Variants in RND3 observed in about 807,000 individuals in gnomAD.
RND3 encodes Rho family GTPase 3, also known as rho-related GTP-binding protein RhoE.
Under a neutral mutation model 26.5 loss-of-function variants are expected in RND3, and 8 were observed. The ratio of observed to expected loss-of-function variants is 0.30; its 90% CI spans 0.18 to 0.54. RND3 has a LOEUF of 0.54. Among genes scored for constraint, RND3 ranks in the 20% least tolerant of loss-of-function variants. The pLI is 0.94. For missense variants in RND3, 207 were observed against 302.8 expected, an observed-to-expected ratio of 0.68 and a Z score of 2.35; for synonymous variants, 113 against 113.0, an observed-to-expected ratio of 1.00 and a Z score of 0.00.
At chr2:150,473,742 G>GAC in intron 4 of RND3, among the ~76,000 whole-genome samples, 1 of 152,036 alleles carries the variant, frequency 6.6e-6, no homozygotes. Flanking sequence ...ATTTCACAAT[G>GAC]ACACACAAGC....
chr2:150,487,474 A>AAATATATAT lies in RND3; in HGVS notation c.-38-20_-38-19insATATATATT. 800 of 200,746 alleles carry AAATATATAT rather than the reference A, an allele frequency of 4.0e-3. 7 individuals are homozygous for AAATATATAT. Among genetic ancestry groups the AAATATATAT allele is most frequent in the African/African-American group, 0.017 (608 of 36,616 alleles). The allele number at this position is 200,746 out of a possible 1,614,324, so 12.4% of individuals were successfully genotyped here. A position where few individuals can be genotyped will look rare whatever the true frequency, so the allele number is the denominator to read the frequency against. ...ATTTTCTCTTAAGAAGAAAAAAAAA[A>AAATATATAT]ATATATATATATATATATATTTCTC... is the stretch of plus-strand genomic sequence containing the variant. On this transcript the variant is annotated intron_variant, in intron 1 of 5. Transcript: ENST00000263895.
At chr2:150,471,558 A>C in intron 5 of RND3, 69 bp downstream of exon 5, 1 of 1,304,240 alleles carries the variant, frequency 7.7e-7, no homozygotes, top group Non-Finnish European at 1.1e-6. Context: ...TATTTTATTT[A>C]TTATGAGTGA....
At chr2:150,475,868 G>A (rs1275795195) in intron 3 of RND3, among the ~76,000 whole-genome samples, 2 of 152,224 alleles carry the variant, frequency 1.3e-5, no homozygotes, top group East Asian at 3.9e-4. Flanking sequence ...TACCCTAAAG[G>A]TTCAAGGCAC....
Position 150,486,611 on chromosome 2 carries a change from G to T in RND3, c.238+83C>A, listed in dbSNP as rs1242540903. ...TTGGGAGGGGCGCAGACGGCTTGTAGCGCGCGGTTTCCCGAGACCCGCCGC... is the reference window on the plus strand; with the variant it reads ...TTGGGAGGGGCGCAGACGGCTTGTATCGCGCGGTTTCCCGAGACCCGCCGC... On this transcript the variant is annotated intron_variant, in intron 3 of 5. Transcript: ENST00000263895. The surrounding 1 kb of genome is among the most constrained non-coding windows in gnomAD (Gnocchi z 4.5). 1.0e-6 allele frequency: 1 copy of T among 962,796 alleles called. No individual in the cohort carries two copies. The highest frequency in any genetic ancestry group is 1.6e-5 in the African/African-American group (1 of 62,548). The allele number at this position is 962,796 out of a possible 1,614,324, so 59.6% of individuals were successfully genotyped here.
intron 3 of RND3, among the ~76,000 whole-genome samples, chr2:150,484,934 T>C (rs1686332860): frequency 2.0e-5 from 3 of 152,288 alleles, no homozygotes; most frequent in South Asian, 4.1e-4. Flanking sequence ...TACTGGTGCT[T>C]ATTATCGGTA....
intron 5 of RND3, 43 bp from the exon 6 acceptor site, chr2:150,470,281 G>C: frequency 6.3e-7 from 1 of 1,589,226 alleles, no homozygotes. Flanking sequence ...ATAAGACTTT[G>C]GGGGAAAGTT....
chr2:150,469,299 C>A lies in RND3; in HGVS notation c.*688G>T, dbSNP rs1437874121. The A allele has an allele frequency of 6.6e-6, 1 of 152,522 alleles. No homozygotes were observed. The highest frequency in any genetic ancestry group is 1.5e-5 in the Non-Finnish European group (1 of 68,028). The allele number at this position is 152,522 out of a possible 1,614,324, so 9.4% of individuals were successfully genotyped here. A position where few individuals can be genotyped will look rare whatever the true frequency, so the allele number is the denominator to read the frequency against. On this transcript the variant is annotated 3_prime_UTR_variant, in exon 6 of 6. Coordinates refer to ENST00000263895, the MANE Select transcript of RND3 (RefSeq NM_005168.5). ...AACCATCAGACTGAATAAAAATCGA[C>A]ATTTTTTTTCCTATTTGATCTATGC...
At chr2:150,478,137 A>G (rs1221584984) in intron 3 of RND3, among the ~76,000 whole-genome samples, 1 of 152,128 alleles carries the variant, frequency 6.6e-6, no homozygotes, top group Non-Finnish European at 1.5e-5. Context: ...AGAATTATCA[A>G]GAACTGTCCC....
Position 150,486,958 on chromosome 2 carries a change from C to G in RND3, c.151-177G>C. On this transcript the variant is annotated intron_variant, in intron 2 of 5. Coordinates refer to ENST00000263895, the MANE Select transcript of RND3 (RefSeq NM_005168.5). This position sits in a 1 kb window ranked among gnomAD's most constrained non-coding sequence, Gnocchi z 4.5. ...CTTTCCGAAACCCCTGTCCTACTCC[C>G]CACTCACCCCACCCGGCTCTCACAG... is the stretch of plus-strand genomic sequence containing the variant. 1 of 635,578 alleles carries G rather than the reference C, an allele frequency of 1.6e-6. No individual in the cohort carries two copies. 39.4% of individuals were successfully genotyped at this position (635,578 alleles called of 1,614,324 possible). A position where few individuals can be genotyped will look rare whatever the true frequency, so the allele number is the denominator to read the frequency against.
chr2:150,472,910 A>G (rs1278468088), intron 4 of RND3, among the ~76,000 whole-genome samples: 1 of 152,028 alleles, frequency 6.6e-6, no homozygotes, highest in Non-Finnish European at 1.5e-5. Context: ...TGGGTAACGA[A>G]CTCTAGTGCA....
chr2:150,472,046 G>GTAGC, intron 4 of RND3: 1 of 328,780 alleles, frequency 3.0e-6, no homozygotes, highest in Non-Finnish European at 5.7e-6. Flanking sequence ...TTGTCCAAAG[G>GTAGC]TAGCTTCAAT....
Position 150,486,785 on chromosome 2 carries a change from GAT to G in RND3, c.151-6_151-5del, listed in dbSNP as rs2105225166. ...CAAACACTGTAGGAACGTAATTCTG[GAT>G]AGACAAAATGGGCAAAAGAGGAAGG... On this transcript the variant is annotated splice_region_variant and splice_polypyrimidine_tract_variant and intron_variant, in intron 2 of 5. Transcript: ENST00000263895. This position sits in a 1 kb window ranked among gnomAD's most constrained non-coding sequence, Gnocchi z 4.5. 1.2e-6 allele frequency: 2 copies of G among 1,606,784 alleles called. No homozygotes were observed. Among genetic ancestry groups the G allele is most frequent in the East Asian group, 4.5e-5 (2 of 44,820 alleles).
At chr2:150,475,362 C>G (rs752896412) in intron 3 of RND3, among the ~76,000 whole-genome samples, 3 of 152,148 alleles carry the variant, frequency 2.0e-5, no homozygotes, top group Non-Finnish European at 4.4e-5. Flanking sequence ...CCCTGTGCCT[C>G]TGATTCTTCA....
At chr2:150,478,778 G>C (rs781221886) in intron 3 of RND3, among the ~76,000 whole-genome samples, 39 of 152,032 alleles carry the variant, frequency 2.6e-4, no homozygotes, top group Non-Finnish European at 4.7e-4. Flanking sequence ...TAGTACCTAA[G>C]AATGCACTAA....
At chr2:150,483,399 C>T (rs1196041245) in intron 3 of RND3, among the ~76,000 whole-genome samples, 1 of 152,140 alleles carries the variant, frequency 6.6e-6, no homozygotes, top group East Asian at 1.9e-4. Flanking sequence ...CCAATTTTTC[C>T]TATATAAGTC....
chr2:150,475,048 T>G, intron 3 of RND3, 64 bp from the exon 4 acceptor site: 4 of 971,866 alleles, frequency 4.1e-6, no homozygotes, highest in Non-Finnish European at 6.6e-6. Flanking sequence ...ATGCATTAAC[T>G]CTACCCTTTC....
Position 150,487,474 on chromosome 2 carries a change from A to AAAAAAATATAT in RND3, c.-38-20_-38-19insATATATTTTTT. 8.0e-4 allele frequency: 160 copies of AAAAAAATATAT among 200,784 alleles called. 1 individual carries two copies. The highest frequency in any genetic ancestry group is 3.3e-3 in the African/African-American group (120 of 36,646). 12.4% of individuals were successfully genotyped at this position (200,784 alleles called of 1,614,324 possible). On this transcript the variant is annotated intron_variant, in intron 1 of 5. Transcript: ENST00000263895. ...ATTTTCTCTTAAGAAGAAAAAAAAAAATATATATATATATATATATTTCTC... is the reference window on the plus strand; with the variant it reads ...ATTTTCTCTTAAGAAGAAAAAAAAAAAAAAAATATATATATATATATATATATATATTTCTC...
At position 150,486,841 on chromosome 2, in the gene RND3, G is replaced by C. The variant is rs1456406422; in HGVS notation, c.151-60C>G. ...GAGGGCAAAGAGGTTACGTTTAAAC[G>C]CACGACACCCATTGAACACCCTTCC... On this transcript the variant is annotated intron_variant, in intron 2 of 5. Transcript: ENST00000263895. This position sits in a 1 kb window ranked among gnomAD's most constrained non-coding sequence, Gnocchi z 4.5. 8.4e-7 allele frequency: 1 copy of C among 1,186,582 alleles called. No individual in the cohort carries two copies. The highest frequency in any genetic ancestry group is 1.3e-6 in the Non-Finnish European group (1 of 790,158). 73.5% of individuals were successfully genotyped at this position (1,186,582 alleles called of 1,614,324 possible). A position where few individuals can be genotyped will look rare whatever the true frequency, so the allele number is the denominator to read the frequency against.
Position 150,474,933 on chromosome 2 carries a change from G to T in RND3, c.290C>A (p.Ala97Asp), listed in dbSNP as rs1231663472. 9.9e-6 allele frequency: 16 copies of T among 1,613,388 alleles called. No individual in the cohort carries two copies. The highest frequency in any genetic ancestry group is 1.4e-5 in the Non-Finnish European group (16 of 1,179,566). ...ACTGATGTCAAAGCAAATCAGCACAGCATCCGAATCAGGGTAAGAGAGGGG... is the reference window on the plus strand; with the variant it reads ...ACTGATGTCAAAGCAAATCAGCACATCATCCGAATCAGGGTAAGAGAGGGG... ...VRPLSYPDSD[A>D]VLICFDISRP... Residue 97 changes from alanine (A) to aspartate (D), a missense_variant, in exon 4 of 6, where the codon GCT becomes GAT. Physicochemically the swap from Ala to Asp is moderately radical, Grantham distance 126 (BLOSUM62 -2). Transcript: ENST00000263895.
Sources: allele counts gnomAD v4.1 joint callset (sites outside exome capture counted in the v4.1 genomes callset), GRCh38; gene constraint gnomAD v4.1.1; non-coding constraint Gnocchi (gnomAD v3.1); transcripts MANE v1.5; gene names NCBI Gene and HGNC (gene_info 2026-07-23, HGNC 2026-07-21).